METTL8: variants seen among roughly 807,000 people sequenced by gnomAD.
METTL8 encodes tRNA N(3)-cytidine methyltransferase METTL8, mitochondrial.
Under a neutral mutation model 48.7 loss-of-function variants are expected in METTL8, and 32 were observed. That is an observed-to-expected ratio of 0.66 (90% CI 0.50 to 0.88). The LOEUF (loss-of-function observed/expected upper bound fraction) is 0.88, where lower values mean the gene tolerates loss of function less well. METTL8 is among the 40% of genes least tolerant of loss of function. The probability of loss-of-function intolerance (pLI) is 0.00; values close to 1 mark genes in which losing one functional copy is unlikely to be tolerated. For missense variants in METTL8, 464 were observed against 474.4 expected, an observed-to-expected ratio of 0.98 and a Z score of 0.20; for synonymous variants, 136 against 157.1, an observed-to-expected ratio of 0.87 and a Z score of 1.01.
chr2:171,416,412 A>G (rs952505542), intron 1 of METTL8, among the ~76,000 whole-genome samples: 1 of 152,250 alleles, frequency 6.6e-6, no homozygotes, highest in African/African-American at 2.4e-5. Context: ...CAAACAGACA[A>G]TTCCAGACTA....
upstream of METTL8, chr2:171,434,162 C>G (rs1379973757): frequency 2.8e-6 from 1 of 351,124 alleles, no homozygotes; most frequent in African/African-American, 2.2e-5. Context: ...GGGGCCGCGG[C>G]AGGCAGAGGC....
At chr2:171,375,218 T>C (rs1318657137) in intron 2 of METTL8, 3 of 1,343,624 alleles carry the variant, frequency 2.2e-6, no homozygotes, top group Admixed American at 1.7e-5. Context: ...GTGCAGCGAA[T>C]AGGATGCACG....
At chr2:171,331,211 A>G (rs1685492052) in intron 6 of METTL8, among the ~76,000 whole-genome samples, 1 of 152,062 alleles carries the variant, frequency 6.6e-6, no homozygotes, top group Non-Finnish European at 1.5e-5. Flanking sequence ...CCTGGGTTCA[A>G]GCCATTCTCC....
chr2:171,352,163 A>T (rs1422299119), intron 3 of METTL8, among the ~76,000 whole-genome samples: 1 of 152,238 alleles, frequency 6.6e-6, no homozygotes, highest in Admixed American at 6.5e-5. Flanking sequence ...GAGTTGTTTT[A>T]GCAAGAAGGG....
intron 2 of METTL8, among the ~76,000 whole-genome samples, chr2:171,369,869 C>G (rs1182047595): frequency 2.6e-5 from 4 of 152,100 alleles, no homozygotes; most frequent in Admixed American, 6.5e-5. Flanking sequence ...AGTTCAAGAC[C>G]AGTCTGACCA....
chr2:171,327,171 C>G (rs996508176), intron 7 of METTL8: 2 of 152,184 alleles, frequency 1.3e-5, no homozygotes, highest in Admixed American at 6.5e-5. Context: ...CAGCAGGGAG[C>G]CTTTGCTTTT....
intron 1 of METTL8, among the ~76,000 whole-genome samples, chr2:171,396,298 T>A (rs1689058458): frequency 6.7e-6 from 1 of 149,978 alleles, no homozygotes. Context: ...TAAATAAAAA[T>A]AAATCCCAAA....
intron 2 of METTL8, among the ~76,000 whole-genome samples, chr2:171,375,547 A>G (rs990330759): frequency 6.6e-6 from 1 of 152,158 alleles, no homozygotes; most frequent in African/African-American, 2.4e-5. Context: ...TTTCATTTGC[A>G]CGTTTCTAAT....
intron 7 of METTL8, 76 bp from the exon 8 acceptor site, chr2:171,326,224 A>T: frequency 1.3e-6 from 1 of 746,450 alleles, no homozygotes. Flanking sequence ...ACTTTGTTGA[A>T]GACAAAATAA....
intron 3 of METTL8, among the ~76,000 whole-genome samples, chr2:171,357,577 A>C (rs920050074): frequency 1.3e-5 from 2 of 152,242 alleles, no homozygotes; most frequent in African/African-American, 4.8e-5. Context: ...GAGTCCAAAT[A>C]ATTAATATTG....
At chr2:171,428,955 T>C (rs1401415675) in intron 1 of METTL8, among the ~76,000 whole-genome samples, 1 of 152,054 alleles carries the variant, frequency 6.6e-6, no homozygotes, top group Non-Finnish European at 1.5e-5. Context: ...GGCAAGATAA[T>C]GAAAACATGG....
intron 2 of METTL8, among the ~76,000 whole-genome samples, chr2:171,360,944 A>G (rs1330600221): frequency 6.6e-6 from 1 of 152,210 alleles, no homozygotes; most frequent in African/African-American, 2.4e-5. Context: ...AAGAGATGAA[A>G]GTTTTAAAAT....
At chr2:171,372,906 C>T (rs1322410383) in intron 2 of METTL8, among the ~76,000 whole-genome samples, 3 of 152,078 alleles carry the variant, frequency 2.0e-5, no homozygotes, top group Non-Finnish European at 4.4e-5. Flanking sequence ...GGATTGGTTC[C>T]AAGTCTTTGC....
chr2:171,434,756 G>T (rs1199508024), upstream of METTL8: 9 of 1,389,408 alleles, frequency 6.5e-6, 1 homozygote, highest in Non-Finnish European at 8.3e-6. Context: ...CGCGGCGGCC[G>T]AGCCTCCTGC....
intron 2 of METTL8, among the ~76,000 whole-genome samples, chr2:171,374,213 T>C (rs1224508326): frequency 6.6e-6 from 1 of 152,188 alleles, no homozygotes; most frequent in Non-Finnish European, 1.5e-5. Context: ...TTTGAAGCAA[T>C]TGTGAATGGG....
intron 1 of METTL8, among the ~76,000 whole-genome samples, chr2:171,406,649 C>G (rs1372460551): frequency 6.6e-6 from 1 of 152,190 alleles, no homozygotes; most frequent in African/African-American, 2.4e-5. Context: ...AAAGGCCCAT[C>G]TCTAAATAAA....
chr2:171,353,297 C>G (rs76851958), intron 3 of METTL8, among the ~76,000 whole-genome samples: 1 of 152,138 alleles, frequency 6.6e-6, no homozygotes, highest in Admixed American at 6.6e-5. Context: ...TTTCTTAATC[C>G]TGAGTTCTAG....
chr2:171,355,999 C>T (rs533241957), intron 3 of METTL8, among the ~76,000 whole-genome samples: 1 of 152,320 alleles, frequency 6.6e-6, no homozygotes, highest in East Asian at 1.9e-4. Context: ...CGACAAGCCC[C>T]AGTGAGATGA....
chr2:171,434,434 C>T, upstream of METTL8: 5 of 1,420,070 alleles, frequency 3.5e-6, no homozygotes, highest in East Asian at 2.5e-5. Flanking sequence ...GTGCTCCCTG[C>T]CCGCCTCCCC....
Sources: gnomAD v4.1 joint callset for allele counts (sites outside exome capture counted in the v4.1 genomes callset) on GRCh38, gnomAD v4.1.1 for gene constraint, MANE v1.5 for transcripts, NCBI Gene and HGNC (gene_info 2026-07-23, HGNC 2026-07-21) for gene names.